CCDC63: variants seen among roughly 807,000 people sequenced by gnomAD.
CCDC63 encodes coiled-coil domain-containing protein 63.
In CCDC63, 54 loss-of-function variants were observed where a neutral mutation model predicts 63.6. The observed-to-expected ratio is 0.85, with a 90% confidence interval of 0.68 to 1.07. The LOEUF (loss-of-function observed/expected upper bound fraction) is 1.07, where lower values mean the gene tolerates loss of function less well. Ranked by LOEUF, CCDC63 falls within the 50% of genes least tolerant of loss-of-function variation. The probability of loss-of-function intolerance (pLI) is 0.00; values close to 1 mark genes in which losing one functional copy is unlikely to be tolerated. For synonymous variants in CCDC63, 253 were observed against 266.1 expected (o/e 0.95, Z 0.48); for missense variants, 637 against 689.6 (o/e 0.92, Z 0.86).
Position 110,873,215 on chromosome 12 carries a change from G to A in CCDC63, c.370-627G>A, listed in dbSNP as rs563639626. On this transcript the variant is annotated intron_variant, in intron 4 of 11. Coordinates refer to ENST00000308208, the MANE Select transcript of CCDC63 (RefSeq NM_152591.3). ...CGCGCCACAGCACTCCAGCCTGGGC[G>A]ACAGAGTGAGACCCTGTCTCAAAAA... Among the ~76,000 whole-genome samples the A allele has an allele frequency of 4.3e-4, 65 of 152,256 alleles. 1 individual carries two copies. The highest frequency in any genetic ancestry group is 6.6e-4 in the Non-Finnish European group (45 of 68,014).
chr12:110,866,531 T>G (rs920202823), intron 4 of CCDC63, among the ~76,000 whole-genome samples: 1 of 139,798 alleles, frequency 7.2e-6, no homozygotes, highest in African/African-American at 2.7e-5. Context: ...TTAACGAGCA[T>G]GCTGCCTTCA....
chr12:110,890,925 G>A (rs2071349438), intron 8 of CCDC63, among the ~76,000 whole-genome samples: 1 of 151,692 alleles, frequency 6.6e-6, no homozygotes, highest in African/African-American at 2.4e-5. Context: ...CTACAGGCAT[G>A]TACCACTACA....
chr12:110,847,481 GA>G (rs1383602900), intron 1 of CCDC63, among the ~76,000 whole-genome samples: 1 of 151,756 alleles, frequency 6.6e-6, no homozygotes, highest in Non-Finnish European at 1.5e-5. Context: ...TTAAGCCCGG[GA>G]AGGTTGAGGC....
chr12:110,877,042 A>G (rs945798165), intron 5 of CCDC63, among the ~76,000 whole-genome samples: 2 of 151,980 alleles, frequency 1.3e-5, no homozygotes, highest in Non-Finnish European at 2.9e-5. Flanking sequence ...AATAAATTCT[A>G]CTGTGTATAT....
upstream of CCDC63, chr12:110,845,959 C>CAAAAAAAAA (rs34690976): frequency 5.5e-4 from 53 of 95,968 alleles, no homozygotes; most frequent in Non-Finnish European, 7.6e-4. Context: ...AGTAGAAATA[C>CAAAAAAAAA]AAAAAAAAAA....
chr12:110,886,223 C>A (rs1038913985), intron 8 of CCDC63, among the ~76,000 whole-genome samples: 2 of 152,034 alleles, frequency 1.3e-5, no homozygotes, highest in Admixed American at 1.3e-4. Flanking sequence ...CCTGTCTTTA[C>A]TAAAAATACA....
rs78915675 is a variant in CCDC63 at position 110,852,917 on chromosome 12, A to G, written c.-38A>G. 22,255 of 1,614,052 alleles carry G rather than the reference A, an allele frequency of 0.014. 208 individuals carry two copies. The highest frequency in any genetic ancestry group is 0.014 in the Non-Finnish European group (17,062 of 1,179,920). ...CTCACTGGCTTTGAGCTCTCTGGGTACAGTGTCTGAGTGGAGGCAAAGTGC... is the reference window on the plus strand; with the variant it reads ...CTCACTGGCTTTGAGCTCTCTGGGTGCAGTGTCTGAGTGGAGGCAAAGTGC... On this transcript the variant is annotated 5_prime_UTR_variant, in exon 2 of 12. Coordinates refer to ENST00000308208, the MANE Select transcript of CCDC63 (RefSeq NM_152591.3).
At chr12:110,861,043 G>A (rs151287588) in intron 4 of CCDC63, among the ~76,000 whole-genome samples, 1 of 152,274 alleles carries the variant, frequency 6.6e-6, no homozygotes, top group Non-Finnish European at 1.5e-5. Context: ...CATGGCCAGA[G>A]CAGGAAGAAG....
At chr12:110,876,925 T>C (rs1349850103) in intron 5 of CCDC63, among the ~76,000 whole-genome samples, 1 of 150,758 alleles carries the variant, frequency 6.6e-6, no homozygotes, top group African/African-American at 2.4e-5. Flanking sequence ...GCACCTGTAG[T>C]CCTAGCTGCT....
intron 3 of CCDC63, among the ~76,000 whole-genome samples, chr12:110,855,384 A>G (rs2070758004): frequency 6.6e-6 from 1 of 151,958 alleles, no homozygotes; most frequent in Non-Finnish European, 1.5e-5. Flanking sequence ...TCGCAAGCCT[A>G]CCTCTGGTGG....
intron 5 of CCDC63, among the ~76,000 whole-genome samples, chr12:110,874,416 A>G (rs1170725847): frequency 6.6e-6 from 1 of 152,164 alleles, no homozygotes; most frequent in African/African-American, 2.4e-5. Flanking sequence ...ATCATCCTCA[A>G]TCTACAGTGA....
At position 110,873,819 on chromosome 12, in the gene CCDC63, TTCTCTC is replaced by T; in HGVS notation, c.370-13_370-8del. The stretch of plus-strand genomic sequence containing the variant: ...ATACAGATGCTAACACAGCTGGAAT[TTCTCTC>T]TCTCTCTCTTTTTCAGATTCTTCAG... On this transcript the variant is annotated splice_polypyrimidine_tract_variant and intron_variant, in intron 4 of 11. Coordinates refer to ENST00000308208, the MANE Select transcript of CCDC63 (RefSeq NM_152591.3). The T allele has an allele frequency of 6.3e-7, 1 of 1,596,874 alleles. No individual in the cohort carries two copies. The highest frequency in any genetic ancestry group is 8.5e-7 in the Non-Finnish European group (1 of 1,170,008).
rs766034593 is a variant in CCDC63 at position 110,853,574 on chromosome 12, A to G, written c.179A>G (p.Tyr60Cys). The change falls in exon 3 of 12, where the codon TAC becomes TGC. Residue 60 changes from tyrosine (Y) to cysteine (C), a missense_variant and splice_region_variant. Coordinates refer to ENST00000308208, the MANE Select transcript of CCDC63 (RefSeq NM_152591.3). ...AACCAGCAGAAGATTGCGAGTCAGT[A>G]GTAAGTGATGGTTGGAGTTTCGCAC... ...FRNQQKIASQ[Y>C]KEIKTLKTEQ... 1.2e-6 allele frequency: 2 copies of G among 1,614,062 alleles called. No homozygotes were observed. Among genetic ancestry groups the G allele is most frequent in the Non-Finnish European group, 1.7e-6 (2 of 1,180,040 alleles).
chr12:110,859,183 C>T (rs914608111), intron 4 of CCDC63, among the ~76,000 whole-genome samples: 6 of 152,218 alleles, frequency 3.9e-5, no homozygotes, highest in Non-Finnish European at 5.9e-5. Context: ...CTTATATCTT[C>T]TCACACTGGG....
intron 8 of CCDC63, among the ~76,000 whole-genome samples, chr12:110,886,954 C>T (rs895254435): frequency 6.6e-6 from 1 of 152,156 alleles, no homozygotes. Flanking sequence ...CTCCTGCAGT[C>T]GCACAGCATC....
chr12:110,854,432 T>C lies in CCDC63; in HGVS notation c.179+858T>C, dbSNP rs1253117177. Among the ~76,000 whole-genome samples the C allele has an allele frequency of 2.0e-5, 3 of 151,822 alleles. No individual in the cohort carries two copies. The East Asian group carries it at 5.8e-4, about 29-fold the overall frequency. On this transcript the variant is annotated intron_variant, in intron 3 of 11. Coordinates refer to ENST00000308208, the MANE Select transcript of CCDC63 (RefSeq NM_152591.3). ...GCCTCAGCTTCCTGAGTAGCTGGGATTACAGGCGCCCACCACCATGCCTGG... is the reference window on the plus strand; with the variant it reads ...GCCTCAGCTTCCTGAGTAGCTGGGACTACAGGCGCCCACCACCATGCCTGG...
intron 4 of CCDC63, among the ~76,000 whole-genome samples, chr12:110,862,947 A>G (rs1344411608): frequency 2.0e-5 from 3 of 151,720 alleles, no homozygotes; most frequent in East Asian, 1.9e-4. Context: ...GTAGATATGG[A>G]GTTTCACCAT....
intron 3 of CCDC63, among the ~76,000 whole-genome samples, chr12:110,854,471 T>A (rs763832300): frequency 3.6e-4 from 54 of 151,812 alleles, no homozygotes; most frequent in Non-Finnish European, 6.8e-4. Context: ...ATTTTTGTAT[T>A]TTTAGTAGAG....
intron 1 of CCDC63, among the ~76,000 whole-genome samples, chr12:110,850,461 G>C (rs2070691907): frequency 6.6e-6 from 1 of 152,234 alleles, no homozygotes; most frequent in African/African-American, 2.4e-5. Flanking sequence ...AAGCATCCAG[G>C]CTGGACGTGG....
Sources: gnomAD v4.1 joint callset for allele counts (sites outside exome capture counted in the v4.1 genomes callset) on GRCh38, gnomAD v4.1.1 for gene constraint, MANE v1.5 for transcripts, NCBI Gene and HGNC (gene_info 2026-07-23, HGNC 2026-07-21) for gene names.